MGMT: variants seen among roughly 807,000 people sequenced by gnomAD.
The protein encoded by MGMT is O-6-methylguanine-DNA methyltransferase, also known as methylated-DNA--protein-cysteine methyltransferase.
MGMT carries 14 observed loss-of-function variants against 15.9 expected under a neutral mutation model. The ratio of observed to expected loss-of-function variants is 0.88; its 90% confidence interval spans 0.58 to 1.37. MGMT has a LOEUF of 1.37. Among genes scored for constraint, MGMT ranks in the 40% most tolerant of loss-of-function variants. MGMT has a pLI of 0.00. For missense variants in MGMT, 282 were observed against 268.1 expected, an observed-to-expected ratio of 1.05 and a Z score of -0.36; for synonymous variants, 130 against 118.2, an observed-to-expected ratio of 1.10 and a Z score of -0.65.
chr10:129,544,724 G>A lies in MGMT; in HGVS notation c.125+8347G>A, dbSNP rs556212988. Among the ~76,000 whole-genome samples the A allele has an allele frequency of 1.0e-3, 154 of 152,322 alleles. 1 individual carries two copies. Among genetic ancestry groups the A allele is most frequent in the Non-Finnish European group, 1.5e-3 (99 of 68,024 alleles). ...GCTGGGCTTGCATTGCCTGCCTCTCGGTCCCCTCGCCTCATTGCAGTTTGG... is the reference window on the plus strand; with the variant it reads ...GCTGGGCTTGCATTGCCTGCCTCTCAGTCCCCTCGCCTCATTGCAGTTTGG... On this transcript the variant is annotated intron_variant, in intron 2 of 4. Coordinates refer to ENST00000651593, the MANE Select transcript of MGMT (RefSeq NM_002412.5).
At chr10:129,577,242 A>C (rs1207859366) in intron 2 of MGMT, among the ~76,000 whole-genome samples, 4 of 152,174 alleles carry the variant, frequency 2.6e-5, no homozygotes, top group Non-Finnish European at 5.9e-5. Flanking sequence ...ATCCTAAGCC[A>C]AAAGAACAAA....
chr10:129,766,191 G>T (rs558012345), intron 4 of MGMT, among the ~76,000 whole-genome samples: 93 of 152,328 alleles, frequency 6.1e-4, no homozygotes, highest in Admixed American at 1.0e-3. Context: ...CCTGTCAAGG[G>T]CCAGAGAGTA....
chr10:129,501,689 G>A (rs1250438962), intron 1 of MGMT, among the ~76,000 whole-genome samples: 2 of 152,182 alleles, frequency 1.3e-5, no homozygotes, highest in East Asian at 1.9e-4. Context: ...GATTTTAATG[G>A]TATGACTGCC....
intron 2 of MGMT, among the ~76,000 whole-genome samples, chr10:129,593,855 C>T (rs1337103213): frequency 6.6e-6 from 1 of 152,180 alleles, no homozygotes; most frequent in Non-Finnish European, 1.5e-5. Flanking sequence ...AATCCACGCT[C>T]CAGGTGAGGG....
chr10:129,737,278 A>G (rs1177940855), intron 3 of MGMT, among the ~76,000 whole-genome samples: 1 of 151,934 alleles, frequency 6.6e-6, no homozygotes, highest in Non-Finnish European at 1.5e-5. Context: ...TTTTTTCTCT[A>G]AACTTCTCGC....
At chr10:129,749,086 T>C (rs1848725953) in intron 3 of MGMT, among the ~76,000 whole-genome samples, 1 of 152,194 alleles carries the variant, frequency 6.6e-6, no homozygotes, top group Non-Finnish European at 1.5e-5. Flanking sequence ...GATTCTCTTG[T>C]CACAGTCTGT....
intron 2 of MGMT, among the ~76,000 whole-genome samples, chr10:129,583,425 C>A (rs1242382858): frequency 1.3e-5 from 2 of 152,132 alleles, no homozygotes; most frequent in East Asian, 3.9e-4. Flanking sequence ...AAGGCAAATA[C>A]TTTTCTGTTA....
At chr10:129,589,094 C>G (rs976928006) in intron 2 of MGMT, among the ~76,000 whole-genome samples, 7 of 152,202 alleles carry the variant, frequency 4.6e-5, no homozygotes, top group African/African-American at 1.7e-4. Context: ...TTTTGCTACC[C>G]CCTACTCTCT....
At chr10:129,650,644 G>A (rs183879122) in intron 2 of MGMT, among the ~76,000 whole-genome samples, 14 of 152,340 alleles carry the variant, frequency 9.2e-5, no homozygotes, top group Non-Finnish European at 1.6e-4. Context: ...CCAGTGAGCT[G>A]TGTAATCGCC....
intron 2 of MGMT, among the ~76,000 whole-genome samples, chr10:129,698,549 A>T (rs1288571282): frequency 4.6e-5 from 7 of 152,216 alleles, no homozygotes; most frequent in African/African-American, 1.4e-4. Flanking sequence ...GGGAAAGAAG[A>T]ACGTGCCCTC....
chr10:129,587,400 A>C (rs1323359399), intron 2 of MGMT, among the ~76,000 whole-genome samples: 3 of 146,952 alleles, frequency 2.0e-5, no homozygotes, highest in Admixed American at 6.9e-5. Flanking sequence ...TGCAATGCCT[A>C]ATATGCTTTG....
intron 2 of MGMT, among the ~76,000 whole-genome samples, chr10:129,687,762 T>C (rs1392965257): frequency 1.3e-5 from 2 of 151,956 alleles, no homozygotes; most frequent in Non-Finnish European, 2.9e-5. Flanking sequence ...GTTTGTTACG[T>C]ATGTATACAT....
intron 2 of MGMT, among the ~76,000 whole-genome samples, chr10:129,554,392 C>A (rs1400508790): frequency 6.6e-6 from 1 of 151,990 alleles, no homozygotes; most frequent in Non-Finnish European, 1.5e-5. Flanking sequence ...AATTTTATAT[C>A]TTAAGCATTT....
chr10:129,570,033 C>A (rs535399910), intron 2 of MGMT, among the ~76,000 whole-genome samples: 2 of 152,186 alleles, frequency 1.3e-5, no homozygotes, highest in Admixed American at 1.3e-4. Flanking sequence ...TTTGTCTGTG[C>A]GAAGAGAAAG....
chr10:129,651,251 C>T lies in MGMT; in HGVS notation c.126-56644C>T, dbSNP rs562229802. ...CTTGGCCTCAGCCTTCCCTTAGGTG[C>T]TCGTTTCTCCAGTACCTGCAGCACC... On this transcript the variant is annotated intron_variant, in intron 2 of 4. Transcript: ENST00000651593. Among the ~76,000 whole-genome samples, 21 of 152,302 alleles carry T rather than the reference C, an allele frequency of 1.4e-4. No homozygotes were observed. The East Asian group carries it at 4.1e-3, about 29-fold the overall frequency.
Position 129,667,478 on chromosome 10 carries a change from T to C in MGMT, c.126-40417T>C, listed in dbSNP as rs1236157201. On this transcript the variant is annotated intron_variant, in intron 2 of 4. Coordinates refer to ENST00000651593, the MANE Select transcript of MGMT (RefSeq NM_002412.5). ...CGTAGCTTGTTCATTTCCAGTGTCG[T>C]GTAGTGTCCCTTCATGTGAATTTAT... Among the ~76,000 whole-genome samples, 5 of 152,282 alleles carry C rather than the reference T, an allele frequency of 3.3e-5. No homozygotes were observed. The East Asian group carries it at 5.8e-4, about 18-fold the overall frequency.
At chr10:129,641,671 A>G (rs1847329386) in intron 2 of MGMT, among the ~76,000 whole-genome samples, 1 of 152,220 alleles carries the variant, frequency 6.6e-6, no homozygotes, top group Non-Finnish European at 1.5e-5. Context: ...TACTGAGACA[A>G]AATGACTCAT....
intron 2 of MGMT, among the ~76,000 whole-genome samples, chr10:129,630,844 A>G (rs1312056198): frequency 6.6e-6 from 1 of 152,252 alleles, no homozygotes; most frequent in Non-Finnish European, 1.5e-5. Context: ...CTCCTACTGA[A>G]AAACATGGCC....
intron 2 of MGMT, among the ~76,000 whole-genome samples, chr10:129,668,830 T>C (rs1288670165): frequency 2.0e-5 from 3 of 152,130 alleles, no homozygotes; most frequent in African/African-American, 7.2e-5. Flanking sequence ...TTTTAGAAAA[T>C]CTTTTTCTTC....
Sources: allele counts gnomAD v4.1 joint callset (sites outside exome capture counted in the v4.1 genomes callset), GRCh38; gene constraint gnomAD v4.1.1; transcripts MANE v1.5; gene names NCBI Gene and HGNC (gene_info 2026-07-23, HGNC 2026-07-21).